The following DOCK2 variants were observed in gnomAD, a reference collection of about 807,000 sequenced individuals.
DOCK2 encodes dedicator of cytokinesis 2.
DOCK2 carries 87 observed loss-of-function variants against 248.9 expected under a neutral mutation model. The observed-to-expected ratio is 0.35, with a 90% CI of 0.29 to 0.42. The LOEUF (loss-of-function observed/expected upper bound fraction) is 0.42. DOCK2 is among the 10% of genes least tolerant of loss of function. The probability of loss-of-function intolerance (pLI) is 1.00; values close to 1 mark genes in which losing one functional copy is unlikely to be tolerated. For missense variants in DOCK2, 1,747 were observed against 2,300.2 expected, an observed-to-expected ratio of 0.76 and a Z score of 4.92; for synonymous variants, 805 against 821.6, an observed-to-expected ratio of 0.98 and a Z score of 0.35.
intron 26 of DOCK2, among the ~76,000 whole-genome samples, chr5:169,836,659 AAAAAC>A (rs1413416367): frequency 2.0e-5 from 3 of 152,024 alleles, no homozygotes; most frequent in Non-Finnish European, 4.4e-5. Flanking sequence ...TAAACACAAT[AAAAAC>A]AAAACAATGT....
rs1468962218 is a variant in DOCK2 at position 170,006,169 on chromosome 5, G to A, written c.3073-2328G>A. Among the ~76,000 whole-genome samples, 5 of 152,332 alleles carry A rather than the reference G, an allele frequency of 3.3e-5. No homozygotes were observed. In the South Asian group the frequency reaches 8.3e-4, roughly 25 times the overall value. On this transcript the variant is annotated intron_variant, in intron 30 of 51. Coordinates refer to ENST00000520908, the MANE Select transcript of DOCK2 (RefSeq NM_004946.3). ...AGTCACTGGGATGCCGGGAGGAAAG[G>A]CAGTCTGAGGGGATGTGGACAGGAG...
At chr5:169,657,293 TG>T (rs1180764113) in intron 2 of DOCK2, among the ~76,000 whole-genome samples, 2 of 151,610 alleles carry the variant, frequency 1.3e-5, no homozygotes, top group African/African-American at 4.8e-5. Context: ...TGATTCTGAT[TG>T]AAAAAAAAAG....
At chr5:169,762,275 G>A (rs1416701217) in intron 25 of DOCK2, among the ~76,000 whole-genome samples, 7 of 152,228 alleles carry the variant, frequency 4.6e-5, no homozygotes, top group East Asian at 1.9e-4. Context: ...AATCAATTAC[G>A]TATATGCTAT....
chr5:169,980,681 G>A (rs1433888307), intron 27 of DOCK2: 3 of 152,188 alleles, frequency 2.0e-5, no homozygotes, highest in Admixed American at 2.0e-4. Context: ...TGGCCTGGCT[G>A]GAGGTAGAAA....
chr5:169,974,506 G>C (rs1261211953), intron 27 of DOCK2, among the ~76,000 whole-genome samples: 2 of 152,174 alleles, frequency 1.3e-5, no homozygotes, highest in East Asian at 3.8e-4. Context: ...TTAGCCCACA[G>C]TACCTCCTGT....
chr5:169,759,621 T>G, intron 23 of DOCK2, 84 bp from the exon 24 acceptor site: 1 of 1,429,238 alleles, frequency 7.0e-7, no homozygotes, highest in Admixed American at 1.7e-5. Flanking sequence ...TCCTCTGATC[T>G]GTGTCATGCT....
intron 25 of DOCK2, among the ~76,000 whole-genome samples, chr5:169,797,889 C>G (rs1227332197): frequency 6.6e-6 from 1 of 152,198 alleles, no homozygotes; most frequent in African/African-American, 2.4e-5. Flanking sequence ...GCTCCAATTA[C>G]AAATGAGAAA....
At chr5:169,896,037 G>T (rs940991348) in intron 27 of DOCK2, among the ~76,000 whole-genome samples, 6 of 152,140 alleles carry the variant, frequency 3.9e-5, no homozygotes, top group African/African-American at 1.4e-4. Flanking sequence ...GATCCTTTCT[G>T]GGCCAACGAC....
intron 26 of DOCK2, among the ~76,000 whole-genome samples, chr5:169,818,757 G>A (rs1381121977): frequency 6.6e-6 from 1 of 152,064 alleles, no homozygotes; most frequent in Admixed American, 6.5e-5. Context: ...ACCTGAGATA[G>A]GTCACGCAAA....
At chr5:169,871,885 A>G (rs907820863) in intron 27 of DOCK2, among the ~76,000 whole-genome samples, 14 of 152,190 alleles carry the variant, frequency 9.2e-5, no homozygotes, top group African/African-American at 3.1e-4. Flanking sequence ...TGCATACCCA[A>G]AAAAGGTGCT....
At chr5:169,783,682 G>GA (rs528849679) in intron 25 of DOCK2, among the ~76,000 whole-genome samples, 1 of 151,914 alleles carries the variant, frequency 6.6e-6, no homozygotes, top group African/African-American at 2.4e-5. Flanking sequence ...TATCAAGATA[G>GA]AAAAAAAGCT....
intron 38 of DOCK2, 128 bp downstream of exon 38, chr5:170,042,260 C>G: frequency 8.5e-7 from 1 of 1,181,404 alleles, no homozygotes; most frequent in Non-Finnish European, 1.2e-6. Context: ...CTGATCACTT[C>G]TCTCCACTTC....
chr5:169,682,044 A>G (rs537903572), intron 7 of DOCK2, among the ~76,000 whole-genome samples, 165 bp downstream of exon 7: 2 of 152,356 alleles, frequency 1.3e-5, no homozygotes, highest in African/African-American at 2.4e-5. Context: ...TTCGTACTCA[A>G]ATCTGTAATT....
intron 49 of DOCK2, 109 bp downstream of exon 49, chr5:170,079,255 G>A (rs1757943131): frequency 4.2e-6 from 6 of 1,418,596 alleles, no homozygotes; most frequent in Non-Finnish European, 5.7e-6. Context: ...GCCTGCCACT[G>A]CGGTGCTATG....
intron 20 of DOCK2, 21 bp downstream of exon 20, chr5:169,716,323 G>A: frequency 6.2e-7 from 1 of 1,610,170 alleles, no homozygotes; most frequent in Non-Finnish European, 8.5e-7. Context: ...GGGGAAAAGT[G>A]TCTAGTGACA....
At chr5:169,756,594 T>C (rs1764207264) in intron 23 of DOCK2, among the ~76,000 whole-genome samples, 1 of 152,072 alleles carries the variant, frequency 6.6e-6, no homozygotes, top group Non-Finnish European at 1.5e-5. Flanking sequence ...CTGTATGTTC[T>C]TTGGCCTAAG....
chr5:169,980,635 A>G (rs1581501458), intron 27 of DOCK2: 1 of 151,980 alleles, frequency 6.6e-6, no homozygotes, highest in East Asian at 1.9e-4. Context: ...ACACTCCTAC[A>G]CCCCACAAAT....
intron 8 of DOCK2, among the ~76,000 whole-genome samples, 169 bp downstream of exon 8, chr5:169,684,519 G>C (rs900783634): frequency 6.6e-6 from 1 of 152,230 alleles, no homozygotes; most frequent in Non-Finnish European, 1.5e-5. Context: ...AAGTGGAAGT[G>C]TTATTTACCA....
intron 41 of DOCK2, among the ~76,000 whole-genome samples, chr5:170,053,019 CT>C (rs1250773517): frequency 6.6e-6 from 1 of 152,244 alleles, no homozygotes. Context: ...TCATTTCTCA[CT>C]TAGGTATCCA....
Sources: gnomAD v4.1 joint callset for allele counts (sites outside exome capture counted in the v4.1 genomes callset) on GRCh38, gnomAD v4.1.1 for gene constraint, MANE v1.5 for transcripts, NCBI Gene and HGNC (gene_info 2026-07-23, HGNC 2026-07-21) for gene names.